The following NPAS3 variants were observed in gnomAD, a reference collection of about 807,000 sequenced individuals.
NPAS3 encodes the protein neuronal PAS domain-containing protein 3.
A neutral mutation model predicts 73.1 loss-of-function variants in NPAS3; 14 were observed. The ratio of observed to expected loss-of-function variants is 0.19; its 90% confidence interval spans 0.13 to 0.30. The LOEUF (loss-of-function observed/expected upper bound fraction) is 0.30, where lower values mean the gene tolerates loss of function less well. NPAS3 is among the 10% of genes least tolerant of loss of function. The pLI is 1.00. For synonymous variants in NPAS3, 620 were observed against 541.5 expected, an observed-to-expected ratio of 1.14 and a Z score of -2.01; for missense variants, 1,096 against 1,250.0, an observed-to-expected ratio of 0.88 and a Z score of 1.86.
chr14:33,247,410 A>C (rs1040839029), intron 3 of NPAS3, among the ~76,000 whole-genome samples: 3 of 152,180 alleles, frequency 2.0e-5, no homozygotes, highest in Non-Finnish European at 4.4e-5. Context: ...AGAAATATTC[A>C]GAATTGCCTT....
intron 6 of NPAS3, among the ~76,000 whole-genome samples, chr14:33,715,563 A>G (rs1181312403): frequency 1.3e-5 from 2 of 152,126 alleles, no homozygotes; most frequent in South Asian, 2.1e-4. Flanking sequence ...ATTGTTCTAG[A>G]TCAGCTAGCT....
chr14:33,713,634 C>G (rs145455018), intron 6 of NPAS3, among the ~76,000 whole-genome samples: 1,553 of 152,308 alleles, frequency 0.01, 34 homozygotes, highest in African/African-American at 0.035. Context: ...CTGACCTCAT[C>G]TCACTATTGT....
At chr14:33,441,940 C>T (rs1022630506) in intron 4 of NPAS3, among the ~76,000 whole-genome samples, 1 of 152,196 alleles carries the variant, frequency 6.6e-6, no homozygotes, top group Non-Finnish European at 1.5e-5. Context: ...AGGTTCCTCC[C>T]ATGACATGTG....
At chr14:33,632,321 G>A (rs1430790076) in intron 5 of NPAS3, among the ~76,000 whole-genome samples, 1 of 152,088 alleles carries the variant, frequency 6.6e-6, no homozygotes, top group Non-Finnish European at 1.5e-5. Flanking sequence ...TGTCTGGGTT[G>A]GGGCCTGGAA....
At chr14:33,771,161 A>G (rs1434409735) in intron 7 of NPAS3, among the ~76,000 whole-genome samples, 1 of 152,204 alleles carries the variant, frequency 6.6e-6, no homozygotes, top group African/African-American at 2.4e-5. Flanking sequence ...ATGCTGTCAG[A>G]CTTGTTTCTG....
intron 5 of NPAS3, among the ~76,000 whole-genome samples, chr14:33,631,175 T>G (rs994861029): frequency 5.3e-5 from 8 of 152,310 alleles, no homozygotes; most frequent in African/African-American, 1.7e-4. Flanking sequence ...TGTTTGGAGC[T>G]TCTTTAGAGC....
At chr14:33,610,017 G>T (rs1280222483) in intron 5 of NPAS3, among the ~76,000 whole-genome samples, 2 of 152,162 alleles carry the variant, frequency 1.3e-5, no homozygotes, top group Admixed American at 1.3e-4. Context: ...GAGGGTTGTT[G>T]TCTAATCTTT....
intron 4 of NPAS3, among the ~76,000 whole-genome samples, chr14:33,374,480 AG>A (rs1413668971): frequency 7.2e-6 from 1 of 139,066 alleles, no homozygotes; most frequent in Non-Finnish European, 1.7e-5. Context: ...TCTATCTACC[AG>A]AAGTTTTTTT....
chr14:33,622,674 A>G (rs1046082517), intron 5 of NPAS3, among the ~76,000 whole-genome samples: 4 of 152,182 alleles, frequency 2.6e-5, no homozygotes, highest in Admixed American at 6.5e-5. Context: ...CAGGAAATGT[A>G]TTGAGACGCA....
At chr14:33,047,872 CTTCCATTGTA>C (rs2040564033) in intron 1 of NPAS3, among the ~76,000 whole-genome samples, 1 of 152,132 alleles carries the variant, frequency 6.6e-6, no homozygotes. Context: ...CTAGGTGTTT[CTTCCATTGTA>C]ACTCTGAAAG....
intron 4 of NPAS3, among the ~76,000 whole-genome samples, chr14:33,382,604 C>T (rs1299627873): frequency 6.6e-6 from 1 of 152,092 alleles, no homozygotes; most frequent in Non-Finnish European, 1.5e-5. Flanking sequence ...ATATAAGGCT[C>T]ATCAAATGCA....
intron 9 of NPAS3, among the ~76,000 whole-genome samples, chr14:33,781,619 AATAAACCAC>A (rs2062981590): frequency 6.6e-6 from 1 of 152,256 alleles, no homozygotes; most frequent in Non-Finnish European, 1.5e-5. Context: ...ATGGTTAAAA[AATAAACCAC>A]ATTAACTATT....
intron 5 of NPAS3, among the ~76,000 whole-genome samples, chr14:33,629,637 G>T (rs2058324948): frequency 6.6e-6 from 1 of 151,606 alleles, no homozygotes; most frequent in Non-Finnish European, 1.5e-5. Context: ...AGAGGAAAGA[G>T]TCTGAGAAAC....
chr14:32,993,038 T>G (rs1187055527), intron 1 of NPAS3, among the ~76,000 whole-genome samples: 1 of 151,710 alleles, frequency 6.6e-6, no homozygotes, highest in Non-Finnish European at 1.5e-5. Context: ...CACCTGTTGC[T>G]ACTTGGGAGG....
chr14:33,454,268 G>A (rs745378366), intron 4 of NPAS3, among the ~76,000 whole-genome samples: 12 of 152,158 alleles, frequency 7.9e-5, no homozygotes, highest in Non-Finnish European at 1.8e-4. Flanking sequence ...ATCACAGAAG[G>A]AATGCATGAT....
chr14:33,744,218 GA>G (rs1258063745), intron 7 of NPAS3, among the ~76,000 whole-genome samples: 1 of 152,178 alleles, frequency 6.6e-6, no homozygotes, highest in Admixed American at 6.5e-5. Context: ...TTTAAAGTTA[GA>G]GATGTGCAAC....
At chr14:33,379,404 T>G (rs763316337) in intron 4 of NPAS3, among the ~76,000 whole-genome samples, 1 of 152,164 alleles carries the variant, frequency 6.6e-6, no homozygotes, top group African/African-American at 2.4e-5. Flanking sequence ...TAGTAAAAAC[T>G]TTCTTATTGT....
intron 2 of NPAS3, among the ~76,000 whole-genome samples, chr14:33,096,685 C>T (rs1003159207): frequency 8.6e-5 from 13 of 152,038 alleles, no homozygotes; most frequent in African/African-American, 2.2e-4. Context: ...AGCTTATATC[C>T]GTAGTCTGGC....
At chr14:33,651,115 C>T (rs2058980770) in intron 5 of NPAS3, among the ~76,000 whole-genome samples, 1 of 152,242 alleles carries the variant, frequency 6.6e-6, no homozygotes, top group African/African-American at 2.4e-5. Flanking sequence ...CTCTTTGAGA[C>T]TTTGTTCACA....
Sources: allele counts gnomAD v4.1 joint callset (sites outside exome capture counted in the v4.1 genomes callset), GRCh38; gene constraint gnomAD v4.1.1; transcripts MANE v1.5; gene names NCBI Gene and HGNC (gene_info 2026-07-23, HGNC 2026-07-21).